Variants in ERC1 observed in about 807,000 individuals in gnomAD.
The protein encoded by ERC1 is ELKS/RAB6-interacting/CAST family member 1, also known as RAB6 interacting protein 2.
In ERC1, 56 loss-of-function variants were observed where a neutral mutation model predicts 132.0. The observed-to-expected ratio is 0.42, with a 90% CI of 0.34 to 0.53. ERC1 has a LOEUF of 0.53. ERC1 is among the 20% of genes least tolerant of loss of function. ERC1 has a pLI of 0.03. For synonymous variants in ERC1, 478 were observed against 476.1 expected (o/e 1.00, Z -0.05); for missense variants, 1,202 against 1,349.9 (o/e 0.89, Z 1.72).
rs1207276941 is a variant in ERC1, at chr12:1,371,990, G to A, written c.2925+13G>A. 1 of 1,612,332 alleles carries A rather than the reference G, an allele frequency of 6.2e-7. No homozygotes were observed. Among genetic ancestry groups the A allele is most frequent in the East Asian group, 2.2e-5 (1 of 44,870 alleles). On this transcript the variant is annotated intron_variant, in intron 16 of 18. Coordinates refer to ENST00000360905, the MANE Select transcript of ERC1 (RefSeq NM_178040.4). ...GCTTAAGCAGCAGGTATTATTAAATGCCAGCAGGAGGGTCAGTGGGGCCAG... is the reference window on the plus strand; with the variant it reads ...GCTTAAGCAGCAGGTATTATTAAATACCAGCAGGAGGGTCAGTGGGGCCAG...
chr12:1,178,948 C>T (rs934058982), intron 8 of ERC1, among the ~76,000 whole-genome samples: 2 of 152,080 alleles, frequency 1.3e-5, no homozygotes, highest in African/African-American at 4.8e-5. Flanking sequence ...AATTTGAACT[C>T]CTGTGTATAT....
chr12:1,196,865 T>C, intron 12 of ERC1, among the ~76,000 whole-genome samples: 1 of 147,154 alleles, frequency 6.8e-6, no homozygotes, highest in Non-Finnish European at 1.5e-5. Flanking sequence ...TCTCACTCTC[T>C]CTCTCTCTCT....
Position 1,490,169 on chromosome 12 carries a change from T to TAGCAGAC in ERC1, c.3291_3297dup (p.His1100SerfsTer28). 1.9e-6 allele frequency: 3 copies of TAGCAGAC among 1,614,222 alleles called. No homozygotes were observed. The highest frequency in any genetic ancestry group is 2.5e-6 in the Non-Finnish European group (3 of 1,180,036). On this transcript the variant is annotated frameshift_variant, in exon 19 of 19. Transcript: ENST00000360905. LOFTEE classifies it high-confidence loss of function. ...TTTGCCAACGCCATTCTTCAGCAGA[T>TAGCAGAC]AGCAGACCATTGTCCCGACATCCTA...
At chr12:1,137,555 T>C (rs1949378131) in intron 7 of ERC1, among the ~76,000 whole-genome samples, 1 of 151,716 alleles carries the variant, frequency 6.6e-6, no homozygotes, top group Non-Finnish European at 1.5e-5. Context: ...GATAAAAGGG[T>C]GGGCAAAATA....
Position 1,492,241 on chromosome 12 carries a change from T to A in ERC1, c.*2011T>A, listed in dbSNP as rs994694533. 1.3e-5 allele frequency: 3 copies of A among 233,140 alleles called. No individual in the cohort carries two copies. The highest frequency in any genetic ancestry group is 2.5e-5 in the Non-Finnish European group (3 of 118,052). 14.4% of individuals were successfully genotyped at this position (233,140 alleles called of 1,614,324 possible). A position where few individuals can be genotyped will look rare whatever the true frequency, so the allele number is the denominator to read the frequency against. On this transcript the variant is annotated 3_prime_UTR_variant, in exon 19 of 19. Coordinates refer to ENST00000360905, the MANE Select transcript of ERC1 (RefSeq NM_178040.4). ...AGAGAGGGGTGCAGGGGTTAGATAG[T>A]AAGTGGTGGTCGTTTGTGGTCAGTT...
chr12:1,347,276 G>A (rs1437834590), intron 15 of ERC1, among the ~76,000 whole-genome samples: 1 of 152,116 alleles, frequency 6.6e-6, no homozygotes, highest in Non-Finnish European at 1.5e-5. Context: ...TGGCCATTTG[G>A]CTAAGATCAA....
intron 16 of ERC1, among the ~76,000 whole-genome samples, chr12:1,397,491 A>G (rs2154385524): frequency 6.6e-6 from 1 of 152,384 alleles, no homozygotes; most frequent in Non-Finnish European, 1.5e-5. Flanking sequence ...AAGGGATGAG[A>G]AAGATCTCTA....
intron 1 of ERC1, among the ~76,000 whole-genome samples, chr12:995,695 CTTATTCATTCAT>C (rs368627504): frequency 6.6e-6 from 1 of 152,144 alleles, no homozygotes; most frequent in African/African-American, 2.4e-5. Flanking sequence ...GATTCATTCA[CTTATTCATTCAT>C]AAGTTACTTA....
At chr12:1,121,470 G>A (rs978751183) in intron 7 of ERC1, among the ~76,000 whole-genome samples, 6 of 152,226 alleles carry the variant, frequency 3.9e-5, no homozygotes, top group African/African-American at 1.4e-4. Flanking sequence ...AAGGATTTAG[G>A]TTGATGGAAT....
chr12:1,370,289 C>T (rs950229704), intron 15 of ERC1, among the ~76,000 whole-genome samples: 15 of 152,266 alleles, frequency 9.9e-5, no homozygotes, highest in African/African-American at 3.1e-4. Context: ...GGACACAAAC[C>T]ATAAAGTAAT....
rs1283738936 is a variant in ERC1, at chr12:1,370,698, TA to T, written c.2781-1134del. Among the ~76,000 whole-genome samples the T allele has an allele frequency of 7.9e-5, 12 of 151,742 alleles. 1 individual carries two copies. The highest frequency in any genetic ancestry group is 2.9e-4 in the African/African-American group (12 of 40,972). ...ATGAAATACTAAGTTCTTACTAATATAGTTTTTTTTAAAAGGTTAACAATTT... is the reference window on the plus strand; with the variant it reads ...ATGAAATACTAAGTTCTTACTAATATGTTTTTTTTAAAAGGTTAACAATTT... On this transcript the variant is annotated intron_variant, in intron 15 of 18. Coordinates refer to ENST00000360905, the MANE Select transcript of ERC1 (RefSeq NM_178040.4).
chr12:1,162,657 A>G (rs905805767), intron 8 of ERC1, among the ~76,000 whole-genome samples: 1 of 152,028 alleles, frequency 6.6e-6, no homozygotes, highest in African/African-American at 2.4e-5. Context: ...ACAGGAGAGT[A>G]AGGTTGTTGT....
intron 17 of ERC1, among the ~76,000 whole-genome samples, chr12:1,435,675 C>T (rs573119243): frequency 1.4e-4 from 21 of 152,344 alleles, no homozygotes; most frequent in African/African-American, 4.3e-4. Flanking sequence ...CAGATCTCTC[C>T]TCCCATCTGG....
intron 16 of ERC1, among the ~76,000 whole-genome samples, chr12:1,382,826 T>A (rs1437622614): frequency 6.6e-6 from 1 of 152,216 alleles, no homozygotes; most frequent in Non-Finnish European, 1.5e-5. Flanking sequence ...TATTATTTTA[T>A]TAAAAAATAT....
At chr12:1,097,023 T>C (rs748872410) in intron 3 of ERC1, among the ~76,000 whole-genome samples, 19 of 152,268 alleles carry the variant, frequency 1.2e-4, no homozygotes, top group African/African-American at 4.6e-4. Context: ...CTAAGAATTA[T>C]GTCTTTGTTT....
At chr12:1,275,998 C>A (rs1201654506) in intron 14 of ERC1, among the ~76,000 whole-genome samples, 1 of 152,148 alleles carries the variant, frequency 6.6e-6, no homozygotes, top group Non-Finnish European at 1.5e-5. Flanking sequence ...ACAACAGATT[C>A]TCAGATATAT....
intron 12 of ERC1, among the ~76,000 whole-genome samples, chr12:1,203,416 C>T (rs1438471776): frequency 1.3e-5 from 2 of 152,150 alleles, no homozygotes; most frequent in Non-Finnish European, 2.9e-5. Flanking sequence ...GCCAGCAAGT[C>T]GTTTTGTTTC....
intron 15 of ERC1, among the ~76,000 whole-genome samples, chr12:1,306,924 G>C (rs542774451): frequency 6.6e-6 from 1 of 152,108 alleles, no homozygotes. Context: ...CTTTGGCATG[G>C]TTGTAGTTGG....
chr12:1,222,790 G>A (rs890439041), intron 12 of ERC1, among the ~76,000 whole-genome samples: 3 of 151,970 alleles, frequency 2.0e-5, no homozygotes, highest in African/African-American at 7.3e-5. Context: ...TTCCTTTTTG[G>A]TAAAGCAAAA....
Sources: gnomAD v4.1 joint callset for allele counts (sites outside exome capture counted in the v4.1 genomes callset) on GRCh38, gnomAD v4.1.1 for gene constraint, MANE v1.5 for transcripts, NCBI Gene and HGNC (gene_info 2026-07-23, HGNC 2026-07-21) for gene names.